EBF1: variants seen among roughly 807,000 people sequenced by gnomAD.
EBF1 encodes the protein EBF transcription factor 1.
A neutral mutation model predicts 68.4 loss-of-function variants in EBF1; 10 were observed. The observed-to-expected ratio is 0.15, with a 90% CI of 0.09 to 0.25. The LOEUF (loss-of-function observed/expected upper bound fraction) is 0.25. Among genes scored for constraint, EBF1 ranks in the 10% least tolerant of loss-of-function variants. The pLI is 1.00. For missense variants in EBF1, 509 were observed against 794.4 expected (o/e 0.64, Z 4.32); for synonymous variants, 298 against 299.8 (o/e 0.99, Z 0.06).
chr5:158,854,005 G>A (rs547184148), intron 6 of EBF1, among the ~76,000 whole-genome samples: 6 of 152,192 alleles, frequency 3.9e-5, no homozygotes, highest in East Asian at 3.9e-4. Flanking sequence ...TTCTCCAGCC[G>A]ACTGACTCCA....
At chr5:159,082,437 T>C (rs2127976428) in intron 5 of EBF1, among the ~76,000 whole-genome samples, 1 of 152,304 alleles carries the variant, frequency 6.6e-6, no homozygotes, top group South Asian at 2.1e-4. Flanking sequence ...TGGCTAATGG[T>C]GGTGCATAGC....
intron 6 of EBF1, among the ~76,000 whole-genome samples, chr5:159,055,874 G>T (rs1774646634): frequency 6.6e-6 from 1 of 152,172 alleles, no homozygotes; most frequent in African/African-American, 2.4e-5. Context: ...GGGATTGGGG[G>T]TACAACTTAT....
At chr5:158,917,877 G>C (rs138640041) in intron 6 of EBF1, among the ~76,000 whole-genome samples, 6 of 152,136 alleles carry the variant, frequency 3.9e-5, no homozygotes, top group Admixed American at 3.9e-4. Flanking sequence ...AAGAGGAAAG[G>C]CTGGAGCTAG....
At position 158,907,070 on chromosome 5, in the gene EBF1, AC is replaced by A. The variant is rs1389136119; in HGVS notation, c.555-66961del. On this transcript the variant is annotated intron_variant, in intron 6 of 15. Coordinates refer to ENST00000313708, the MANE Select transcript of EBF1 (RefSeq NM_024007.5). ...CCTGGGGTTGGAACTCAGTTCTAAA[AC>A]CAGGAAAGTCCCCAGGCAAATCAGG... 2.6e-5 allele frequency among the ~76,000 whole-genome samples: 4 copies of A among 152,342 alleles called. No homozygotes were observed. In the East Asian group the frequency reaches 7.7e-4, roughly 29 times the overall value.
At chr5:159,008,138 C>A (rs746385680) in intron 6 of EBF1, among the ~76,000 whole-genome samples, 28 of 152,098 alleles carry the variant, frequency 1.8e-4, no homozygotes, top group Non-Finnish European at 3.8e-4. Flanking sequence ...GAGATTATTT[C>A]TATTGAAACA....
chr5:158,813,169 A>G (rs562397189), intron 8 of EBF1, among the ~76,000 whole-genome samples: 2 of 152,246 alleles, frequency 1.3e-5, no homozygotes, highest in East Asian at 3.9e-4. Flanking sequence ...GTTTAGATCA[A>G]CTTTTTCTTT....
At chr5:158,822,917 C>G (rs893681840) in intron 8 of EBF1, among the ~76,000 whole-genome samples, 5 of 152,304 alleles carry the variant, frequency 3.3e-5, no homozygotes, top group Admixed American at 2.6e-4. Flanking sequence ...CCTTCTTTCT[C>G]TCAACCTGAA....
At chr5:158,926,914 G>A (rs1033295589) in intron 6 of EBF1, among the ~76,000 whole-genome samples, 8 of 151,958 alleles carry the variant, frequency 5.3e-5, no homozygotes, top group East Asian at 1.9e-4. Flanking sequence ...AATAAAGGAC[G>A]TTATTATTTA....
chr5:158,814,185 T>C (rs1309341602), intron 8 of EBF1, among the ~76,000 whole-genome samples: 1 of 152,058 alleles, frequency 6.6e-6, no homozygotes, highest in Non-Finnish European at 1.5e-5. Context: ...CTCTACAAAA[T>C]CAAAATAATT....
chr5:159,099,397 G>T lies in EBF1; in HGVS notation c.82C>A (p.Arg28=), dbSNP rs1209003070. 6.2e-7 allele frequency: 1 copy of T among 1,600,870 alleles called. No individual in the cohort carries two copies. Among genetic ancestry groups the T allele is most frequent in the Non-Finnish European group, 8.5e-7 (1 of 1,174,008 alleles). The change falls in exon 1 of 16, where the codon CGG becomes AGG. Residue 28 remains arginine (R), a synonymous_variant. Coordinates refer to ENST00000313708, the MANE Select transcript of EBF1 (RefSeq NM_024007.5). ...EPLGSGMNAV[R]TWMQGAGVLD... is the part of the protein sequence containing the mutation. ...ACCCCGGCGCCCTGCATCCACGTCC[G>T]CACCGCGTTCATGCCGCTGCCCAGC...
chr5:159,078,660 T>C (rs972248653), intron 5 of EBF1, among the ~76,000 whole-genome samples: 1 of 152,194 alleles, frequency 6.6e-6, no homozygotes, highest in African/African-American at 2.4e-5. Flanking sequence ...ACTGTTTACA[T>C]CCCTTCCGAA....
chr5:159,061,127 T>G (rs1775725128), intron 6 of EBF1, among the ~76,000 whole-genome samples: 1 of 152,090 alleles, frequency 6.6e-6, no homozygotes, highest in Non-Finnish European at 1.5e-5. Context: ...TTAATTATTA[T>G]TATTATTATT....
intron 6 of EBF1, among the ~76,000 whole-genome samples, chr5:158,887,939 C>A (rs961673249): frequency 6.6e-6 from 1 of 152,138 alleles, no homozygotes; most frequent in Admixed American, 6.6e-5. Flanking sequence ...TTCTGTTTTG[C>A]CTCAATATGA....
intron 10 of EBF1, among the ~76,000 whole-genome samples, chr5:158,754,363 T>C (rs1346327571): frequency 1.3e-5 from 2 of 152,146 alleles, no homozygotes; most frequent in Admixed American, 6.6e-5. Context: ...TGACTTTTCA[T>C]TGAACTCAGA....
intron 6 of EBF1, among the ~76,000 whole-genome samples, chr5:158,876,996 C>G (rs1368919352): frequency 6.6e-6 from 1 of 152,164 alleles, no homozygotes; most frequent in Non-Finnish European, 1.5e-5. Context: ...CTTTAGACCA[C>G]AAAGTCAGAG....
chr5:159,042,294 C>T (rs564464926), intron 6 of EBF1, among the ~76,000 whole-genome samples: 9 of 152,210 alleles, frequency 5.9e-5, no homozygotes, highest in Admixed American at 3.3e-4. Flanking sequence ...ACGGTCCTTT[C>T]ATCCACTCAA....
chr5:158,999,015 C>T (rs1186968835), intron 6 of EBF1, among the ~76,000 whole-genome samples: 1 of 152,084 alleles, frequency 6.6e-6, no homozygotes, highest in Non-Finnish European at 1.5e-5. Context: ...CCGAATACCA[C>T]ACTTCTCAAA....
chr5:159,039,532 A>G (rs566648531), intron 6 of EBF1, among the ~76,000 whole-genome samples: 56 of 152,376 alleles, frequency 3.7e-4, no homozygotes, highest in African/African-American at 1.3e-3. Context: ...CTGAAATATT[A>G]CATTATACTT....
intron 4 of EBF1, among the ~76,000 whole-genome samples, chr5:159,090,807 G>GTAATAATAATAA (rs138049191): frequency 0.013 from 1,875 of 149,246 alleles, 18 homozygotes; most frequent in African/African-American, 0.022. Flanking sequence ...ACCCAATGGG[G>GTAATAATAATAA]TAATAATAAT....
Sources: gnomAD v4.1 joint callset for allele counts (sites outside exome capture counted in the v4.1 genomes callset) on GRCh38, gnomAD v4.1.1 for gene constraint, MANE v1.5 for transcripts, NCBI Gene and HGNC (gene_info 2026-07-23, HGNC 2026-07-21) for gene names.